Variants in TTC1 observed in about 807,000 individuals in gnomAD.
TTC1 encodes tetratricopeptide repeat domain 1.
Under a neutral mutation model 37.6 loss-of-function variants are expected in TTC1, and 31 were observed. The ratio of observed to expected loss-of-function variants is 0.82; its 90% CI spans 0.62 to 1.11. The LOEUF is 1.11. Among genes scored for constraint, TTC1 ranks in the 50% most tolerant of loss-of-function variants. TTC1 has a pLI of 0.00. For missense variants in TTC1, 351 were observed against 339.0 expected (o/e 1.04, Z -0.28); for synonymous variants, 127 against 122.4 (o/e 1.04, Z -0.25).
intron 2 of TTC1, among the ~76,000 whole-genome samples, chr5:160,017,423 CTT>C (rs1756626712): frequency 6.6e-6 from 1 of 152,130 alleles, no homozygotes; most frequent in Non-Finnish European, 1.5e-5. Flanking sequence ...CCTTCAACCT[CTT>C]TTATTAGGAC....
At chr5:160,041,184 G>A (rs1433465050) in intron 4 of TTC1, among the ~76,000 whole-genome samples, 4 of 151,934 alleles carry the variant, frequency 2.6e-5, no homozygotes, top group Non-Finnish European at 5.9e-5. Flanking sequence ...GCCTGAGGCT[G>A]TTTGACAGTA....
chr5:160,052,044 A>G (rs1169985667), intron 7 of TTC1, among the ~76,000 whole-genome samples: 2 of 152,230 alleles, frequency 1.3e-5, no homozygotes, highest in East Asian at 1.9e-4. Context: ...CTGATAGCCA[A>G]GTTGATTGAG....
chr5:160,025,614 A>G (rs1756787989), intron 2 of TTC1, among the ~76,000 whole-genome samples: 1 of 152,204 alleles, frequency 6.6e-6, no homozygotes, highest in Admixed American at 6.5e-5. Context: ...ACTATGAAGC[A>G]TATAAGTTCT....
At chr5:160,050,126 G>T (rs1177778035) in intron 6 of TTC1, among the ~76,000 whole-genome samples, 1 of 151,892 alleles carries the variant, frequency 6.6e-6, no homozygotes, top group Admixed American at 6.6e-5. Flanking sequence ...TCCATCATGG[G>T]CAACAGAGTA....
intron 2 of TTC1, among the ~76,000 whole-genome samples, chr5:160,019,910 T>C (rs1283805581): frequency 1.3e-5 from 2 of 151,910 alleles, no homozygotes; most frequent in Admixed American, 6.6e-5. Flanking sequence ...ATTTCTTGTT[T>C]TCTTTTTGTT....
At position 160,065,072 on chromosome 5, in the gene TTC1, T is replaced by A. The variant is rs1753561535; in HGVS notation, c.*7T>A. On this transcript the variant is annotated 3_prime_UTR_variant, in exon 8 of 8. Coordinates refer to ENST00000231238, the MANE Select transcript of TTC1 (RefSeq NM_003314.3). ...TCCAAATAATAACAGATAACAAAGA[T>A]AACAAAAGCTTTACAAGCTGACTTG... 6.2e-7 allele frequency: 1 copy of A among 1,607,082 alleles called. No individual in the cohort carries two copies. The highest frequency in any genetic ancestry group is 8.5e-7 in the Non-Finnish European group (1 of 1,178,586).
chr5:160,027,862 T>C (rs556307616), intron 2 of TTC1, among the ~76,000 whole-genome samples: 16 of 152,364 alleles, frequency 1.1e-4, no homozygotes, highest in Non-Finnish European at 2.1e-4. Flanking sequence ...TTTTCTCTTG[T>C]GGCTTTCACA....
chr5:160,021,023 A>T (rs1379782343), intron 2 of TTC1, among the ~76,000 whole-genome samples: 1 of 152,210 alleles, frequency 6.6e-6, no homozygotes, highest in Non-Finnish European at 1.5e-5. Flanking sequence ...GTGTGTTTAC[A>T]TTATTTGCTG....
chr5:160,012,656 A>G (rs1232012851), intron 2 of TTC1, among the ~76,000 whole-genome samples: 7 of 152,180 alleles, frequency 4.6e-5, no homozygotes, highest in Non-Finnish European at 5.9e-5. Flanking sequence ...GGCGTGAACC[A>G]CCACACCCAG....
At chr5:160,045,454 CCACACACA>C (rs57919333) in intron 5 of TTC1, among the ~76,000 whole-genome samples, 1,215 of 38,748 alleles carry the variant, frequency 0.031, 47 homozygotes, top group African/African-American at 0.039. Flanking sequence ...CCCCCACCCT[CCACACACA>C]CACACACACA....
At chr5:160,012,434 G>C (rs1376431075) in intron 2 of TTC1, among the ~76,000 whole-genome samples, 2 of 151,512 alleles carry the variant, frequency 1.3e-5, no homozygotes. Context: ...ATGTGATCAC[G>C]GCTCACTGCA....
intron 7 of TTC1, among the ~76,000 whole-genome samples, chr5:160,058,225 C>T (rs1757595454): frequency 6.6e-6 from 1 of 152,184 alleles, no homozygotes; most frequent in Non-Finnish European, 1.5e-5. Flanking sequence ...AATTTAGTCA[C>T]ATCTTCAAGC....
intron 2 of TTC1, among the ~76,000 whole-genome samples, chr5:160,018,879 T>A (rs1311913657): frequency 6.6e-6 from 1 of 152,160 alleles, no homozygotes; most frequent in Non-Finnish European, 1.5e-5. Flanking sequence ...GATTTTGGGA[T>A]ATATTTCAGA....
At chr5:160,031,335 T>A (rs1756904564) in intron 2 of TTC1, among the ~76,000 whole-genome samples, 1 of 152,080 alleles carries the variant, frequency 6.6e-6, no homozygotes, top group South Asian at 2.1e-4. Flanking sequence ...CTTAGAATAA[T>A]TGACCTTAGC....
chr5:160,012,104 C>T (rs1221620428), intron 2 of TTC1, among the ~76,000 whole-genome samples: 1 of 152,174 alleles, frequency 6.6e-6, no homozygotes, highest in Non-Finnish European at 1.5e-5. Flanking sequence ...AAATTAACTA[C>T]TGTTCCATAA....
chr5:160,045,554 C>CTCTCTCTCT (rs1310066249), intron 5 of TTC1, among the ~76,000 whole-genome samples: 50 of 116,028 alleles, frequency 4.3e-4, no homozygotes, highest in Middle Eastern at 9.7e-3. Flanking sequence ...TCTCTCTCTC[C>CTCTCTCTCT]CCCTCCCCTC....
chr5:160,058,433 C>T (rs1402545341), intron 7 of TTC1, among the ~76,000 whole-genome samples: 4 of 134,918 alleles, frequency 3.0e-5, no homozygotes, highest in African/African-American at 5.6e-5. Context: ...TTTTTTGAGA[C>T]GGAGTCTCGC....
intron 2 of TTC1, among the ~76,000 whole-genome samples, chr5:160,028,189 C>T (rs964804579): frequency 2.0e-5 from 3 of 151,420 alleles, no homozygotes; most frequent in Non-Finnish European, 2.9e-5. Context: ...GTCCCAGCTA[C>T]TCGGGAGGCT....
intron 2 of TTC1, among the ~76,000 whole-genome samples, chr5:160,019,580 C>CTTTTTTTTT (rs201420281): frequency 1.5e-4 from 16 of 108,704 alleles, no homozygotes; most frequent in East Asian, 2.7e-4. Flanking sequence ...TTCTTTCATT[C>CTTTTTTTTT]TTTTTTTTTT....
Sources: allele counts gnomAD v4.1 joint callset (sites outside exome capture counted in the v4.1 genomes callset), GRCh38; gene constraint gnomAD v4.1.1; transcripts MANE v1.5; gene names NCBI Gene and HGNC (gene_info 2026-07-23, HGNC 2026-07-21).